The following RNF138 variants were observed in gnomAD, a reference collection of about 807,000 sequenced individuals.
The protein encoded by RNF138 is E3 ubiquitin-protein ligase RNF138.
Under a neutral mutation model 31.0 loss-of-function variants are expected in RNF138, and 12 were observed. That is an observed-to-expected ratio of 0.39 (90% CI 0.25 to 0.63). The LOEUF is 0.63. Among genes scored for constraint, RNF138 ranks in the 20% least tolerant of loss-of-function variants. RNF138 has a pLI of 0.52. For missense variants in RNF138, 192 were observed against 300.1 expected, an observed-to-expected ratio of 0.64 and a Z score of 2.66; for synonymous variants, 105 against 99.5, an observed-to-expected ratio of 1.06 and a Z score of -0.33.
At chr18:32,111,999 GT>G (rs368828041) in intron 3 of RNF138, 80 bp downstream of exon 3, 78,266 of 840,772 alleles carry the variant, frequency 0.093, no homozygotes, top group South Asian at 0.12. Flanking sequence ...CTTGGTTGGT[GT>G]TTTTTTTTTT....
chr18:32,107,230 C>T (rs1372202853), intron 2 of RNF138, among the ~76,000 whole-genome samples: 1 of 145,446 alleles, frequency 6.9e-6, no homozygotes, highest in Non-Finnish European at 1.5e-5. Flanking sequence ...AAGCAGTTCT[C>T]CTGCCTCAGC....
At chr18:32,102,265 G>A (rs1432804213) in intron 2 of RNF138, among the ~76,000 whole-genome samples, 2 of 133,694 alleles carry the variant, frequency 1.5e-5, no homozygotes, top group Non-Finnish European at 3.1e-5. Context: ...GCAGTGGCGC[G>A]ATGTCGGCTC....
intron 4 of RNF138, among the ~76,000 whole-genome samples, chr18:32,116,586 C>T (rs776458342): frequency 6.7e-6 from 1 of 148,822 alleles, no homozygotes; most frequent in African/African-American, 2.5e-5. Context: ...GGGTCTTGCT[C>T]TGTCATCCAG....
intron 4 of RNF138, among the ~76,000 whole-genome samples, chr18:32,114,466 A>G (rs1478672188): frequency 6.6e-6 from 1 of 152,218 alleles, no homozygotes; most frequent in Non-Finnish European, 1.5e-5. Flanking sequence ...ATTAACATCC[A>G]GTTACCTATT....
Position 32,124,767 on chromosome 18 carries a change from G to A in RNF138, c.483G>A (p.Leu161=). The A allele has an allele frequency of 6.3e-7, 1 of 1,599,064 alleles. No homozygotes were observed. The highest frequency in any genetic ancestry group is 8.6e-7 in the Non-Finnish European group (1 of 1,166,552). The change falls in exon 6 of 8, where the codon CTG becomes CTA. Residue 161 remains leucine, a synonymous_variant. Coordinates refer to ENST00000261593, the MANE Select transcript of RNF138 (RefSeq NM_016271.5). ...SSGHPTFKCP[L]CQESNFTRQR... ...GTCATCCTACTTTTAAGTGTCCCCTGTGTCAAGAATCAAATTTTACCAGAC... is the reference window on the plus strand; with the variant it reads ...GTCATCCTACTTTTAAGTGTCCCCTATGTCAAGAATCAAATTTTACCAGAC...
chr18:32,094,383 A>G (rs2039767499), intron 2 of RNF138, among the ~76,000 whole-genome samples: 1 of 152,172 alleles, frequency 6.6e-6, no homozygotes, highest in Non-Finnish European at 1.5e-5. Flanking sequence ...GTGTGAGCCA[A>G]GAGTGTGTGG....
At chr18:32,096,728 T>G (rs969962082) in intron 2 of RNF138, among the ~76,000 whole-genome samples, 8 of 152,276 alleles carry the variant, frequency 5.3e-5, no homozygotes, top group Admixed American at 1.3e-4. Flanking sequence ...GATGTAATTT[T>G]GTTTTTGTTT....
Position 32,129,912 on chromosome 18 carries a change from A to C in RNF138, c.*725A>C, listed in dbSNP as rs1435770178. 6.6e-6 allele frequency: 1 copy of C among 152,276 alleles called. No individual in the cohort carries two copies. Among genetic ancestry groups the C allele is most frequent in the Non-Finnish European group, 1.5e-5 (1 of 67,940 alleles). The allele number at this position is 152,276 out of a possible 1,614,324, so 9.4% of individuals were successfully genotyped here. On this transcript the variant is annotated 3_prime_UTR_variant, in exon 8 of 8. Coordinates refer to ENST00000261593, the MANE Select transcript of RNF138 (RefSeq NM_016271.5). ...TGTAAGCCTAGAATATACTAAGCTG[A>C]ATAACAGCTCTTTGGCCTCAGAATT... is the stretch of plus-strand genomic sequence containing the variant.
rs1409142818 is a variant in RNF138 at position 32,131,438 on chromosome 18, CA to C, written c.*2253del. 6.6e-6 allele frequency: 1 copy of C among 152,106 alleles called. No individual in the cohort carries two copies. Among genetic ancestry groups the C allele is most frequent in the Non-Finnish European group, 1.5e-5 (1 of 67,972 alleles). 9.4% of individuals were successfully genotyped at this position (152,106 alleles called of 1,614,324 possible). A position where few individuals can be genotyped will look rare whatever the true frequency, so the allele number is the denominator to read the frequency against. On this transcript the variant is annotated 3_prime_UTR_variant, in exon 8 of 8. Transcript: ENST00000261593. ...AAAGGAGGGAATTGTATTGATACTCCAATACCTAAATTTCACAATACCACTT... is the reference window on the plus strand; with the variant it reads ...AAAGGAGGGAATTGTATTGATACTCCATACCTAAATTTCACAATACCACTT...
At chr18:32,128,479 A>T (rs111326895) in intron 7 of RNF138, among the ~76,000 whole-genome samples, 2 of 152,168 alleles carry the variant, frequency 1.3e-5, no homozygotes, top group South Asian at 4.1e-4. Flanking sequence ...TGGAGGTTGC[A>T]GTGAGCCAAG....
intron 4 of RNF138, among the ~76,000 whole-genome samples, chr18:32,119,991 A>G (rs891367635): frequency 3.9e-5 from 6 of 152,150 alleles, no homozygotes; most frequent in African/African-American, 1.4e-4. Flanking sequence ...TAGATTTATT[A>G]TATAGAAAAT....
intron 4 of RNF138, among the ~76,000 whole-genome samples, chr18:32,115,843 CTT>C (rs2040208401): frequency 1.3e-5 from 2 of 152,158 alleles, no homozygotes; most frequent in Non-Finnish European, 2.9e-5. Flanking sequence ...TTTATAGCCT[CTT>C]TCTTGGTTAT....
At chr18:32,095,281 C>T (rs149390491) in intron 2 of RNF138, among the ~76,000 whole-genome samples, 33 of 152,170 alleles carry the variant, frequency 2.2e-4, no homozygotes, top group East Asian at 9.7e-4. Flanking sequence ...GCAACCCTCC[C>T]GCCTCAGCCT....
chr18:32,109,888 AAAAAT>A (rs1243947044), intron 2 of RNF138, among the ~76,000 whole-genome samples: 4 of 152,236 alleles, frequency 2.6e-5, no homozygotes, highest in Admixed American at 1.3e-4. Context: ...TCTGTCTCAA[AAAAAT>A]AAAATAAATA....
At chr18:32,097,376 T>G (rs2039827929) in intron 2 of RNF138, among the ~76,000 whole-genome samples, 1 of 152,240 alleles carries the variant, frequency 6.6e-6, no homozygotes, top group Non-Finnish European at 1.5e-5. Flanking sequence ...AACTTCTACT[T>G]CTTGTTAAGC....
intron 3 of RNF138, among the ~76,000 whole-genome samples, chr18:32,112,962 T>G (rs1393038088): frequency 6.6e-6 from 1 of 152,194 alleles, no homozygotes; most frequent in Admixed American, 6.5e-5. Context: ...TTTACATCTT[T>G]TTGAAGGAAG....
chr18:32,099,083 G>T (rs1040109727), intron 2 of RNF138, among the ~76,000 whole-genome samples: 1 of 152,010 alleles, frequency 6.6e-6, no homozygotes, highest in Admixed American at 6.6e-5. Flanking sequence ...CCTTTTGTTG[G>T]GAGAATGCGT....
At chr18:32,103,746 G>A (rs1335147436) in intron 2 of RNF138, among the ~76,000 whole-genome samples, 3 of 151,972 alleles carry the variant, frequency 2.0e-5, no homozygotes, top group Non-Finnish European at 4.4e-5. Context: ...GGTGGATCAC[G>A]AGGTCAGGAG....
At chr18:32,092,388 G>A (rs1264091580) in intron 1 of RNF138, among the ~76,000 whole-genome samples, 153 bp downstream of exon 1, 1 of 152,090 alleles carries the variant, frequency 6.6e-6, no homozygotes, top group African/African-American at 2.4e-5. Context: ...GGCGAAGACG[G>A]GGGCTGAGGG....
Sources: gnomAD v4.1 joint callset for allele counts (sites outside exome capture counted in the v4.1 genomes callset) on GRCh38, gnomAD v4.1.1 for gene constraint, MANE v1.5 for transcripts, NCBI Gene and HGNC (gene_info 2026-07-23, HGNC 2026-07-21) for gene names.